The following CNTNAP2 variants were observed in gnomAD, a reference collection of about 807,000 sequenced individuals.
CNTNAP2 encodes contactin-associated protein-like 2.
In CNTNAP2, 98 loss-of-function variants were observed where a neutral mutation model predicts 155.2. That is an observed-to-expected ratio of 0.63 (90% CI 0.54 to 0.75). The LOEUF is 0.75. Among genes scored for constraint, CNTNAP2 ranks in the 30% least tolerant of loss-of-function variants. The pLI, the probability that CNTNAP2 is intolerant of heterozygous loss-of-function variation, is 0.00. For missense variants in CNTNAP2, 1,727 were observed against 1,688.1 expected (o/e 1.02, Z -0.40); for synonymous variants, 651 against 631.2 (o/e 1.03, Z -0.47).
intron 13 of CNTNAP2, among the ~76,000 whole-genome samples, chr7:147,826,928 A>ATTTTTTTT (rs34322489): frequency 8.1e-6 from 1 of 123,872 alleles, no homozygotes; most frequent in African/African-American, 3.2e-5. Context: ...AGCTGAATAC[A>ATTTTTTTT]TTTTTTTTTT....
chr7:146,335,377 A>G (rs1213908102), intron 1 of CNTNAP2, among the ~76,000 whole-genome samples: 1 of 152,212 alleles, frequency 6.6e-6, no homozygotes, highest in African/African-American at 2.4e-5. Context: ...GCTAAACAAG[A>G]CAGAAAAATG....
At chr7:148,306,211 G>A (rs1179358360) in intron 21 of CNTNAP2, among the ~76,000 whole-genome samples, 2 of 152,046 alleles carry the variant, frequency 1.3e-5, no homozygotes, top group Non-Finnish European at 2.9e-5. Context: ...TTCTTTATTT[G>A]AACTCGGTGT....
At chr7:148,050,692 T>TGACTCACC (rs1802872233) in intron 15 of CNTNAP2, among the ~76,000 whole-genome samples, 1 of 152,328 alleles carries the variant, frequency 6.6e-6, no homozygotes, top group Admixed American at 6.5e-5. Context: ...ACTCACTCAC[T>TGACTCACC]GACTCACCCA....
intron 9 of CNTNAP2, among the ~76,000 whole-genome samples, chr7:147,394,956 A>G (rs192135347): frequency 1.3e-5 from 2 of 151,758 alleles, no homozygotes; most frequent in East Asian, 1.9e-4. Context: ...TATTTTATTT[A>G]TACCATATTA....
intron 8 of CNTNAP2, among the ~76,000 whole-genome samples, chr7:147,235,970 C>T (rs773638164): frequency 6.6e-6 from 1 of 152,216 alleles, no homozygotes; most frequent in Non-Finnish European, 1.5e-5. Flanking sequence ...AACCCAATGT[C>T]ATAGGGTTCA....
intron 15 of CNTNAP2, among the ~76,000 whole-genome samples, chr7:148,113,277 T>G (rs1804396140): frequency 6.6e-6 from 1 of 152,290 alleles, no homozygotes; most frequent in East Asian, 1.9e-4. Flanking sequence ...GCAAAGGGGA[T>G]GTACACATAC....
chr7:146,915,187 C>G (rs1361605116), intron 3 of CNTNAP2, among the ~76,000 whole-genome samples: 1 of 152,026 alleles, frequency 6.6e-6, no homozygotes, highest in African/African-American at 2.4e-5. Context: ...GTTTTTATAC[C>G]AGTACCATGC....
intron 15 of CNTNAP2, among the ~76,000 whole-genome samples, chr7:148,057,261 G>GTATAA (rs1221418089): frequency 2.0e-5 from 3 of 152,164 alleles, no homozygotes; most frequent in Non-Finnish European, 4.4e-5. Flanking sequence ...AAGTAGCCAG[G>GTATAA]TATACAAGTA....
intron 22 of CNTNAP2, among the ~76,000 whole-genome samples, chr7:148,399,189 A>G (rs1207216242): frequency 6.6e-6 from 1 of 152,222 alleles, no homozygotes; most frequent in Non-Finnish European, 1.5e-5. Context: ...GTATGGCTTC[A>G]GGCTTTCCAC....
At chr7:146,961,354 G>C (rs1031912108) in intron 3 of CNTNAP2, among the ~76,000 whole-genome samples, 1 of 152,156 alleles carries the variant, frequency 6.6e-6, no homozygotes, top group African/African-American at 2.4e-5. Context: ...AATAACGCTG[G>C]TCAGGGTCTT....
chr7:147,136,649 A>G (rs1801486553), intron 8 of CNTNAP2, among the ~76,000 whole-genome samples: 1 of 151,946 alleles, frequency 6.6e-6, no homozygotes, highest in Non-Finnish European at 1.5e-5. Flanking sequence ...CTAAGCAATT[A>G]AAATATCTCT....
intron 1 of CNTNAP2, among the ~76,000 whole-genome samples, chr7:146,760,999 T>C (rs1214088911): frequency 1.3e-5 from 2 of 152,174 alleles, no homozygotes; most frequent in Non-Finnish European, 2.9e-5. Context: ...GATTTGTTGA[T>C]AGAAAAATGA....
At chr7:146,350,930 C>CA (rs1262073311) in intron 1 of CNTNAP2, among the ~76,000 whole-genome samples, 3 of 148,726 alleles carry the variant, frequency 2.0e-5, no homozygotes, top group Admixed American at 1.4e-4. Context: ...ATCGCAAGGA[C>CA]AAAAAACCAA....
chr7:147,935,734 C>G (rs1456862578), intron 14 of CNTNAP2, among the ~76,000 whole-genome samples: 1 of 152,014 alleles, frequency 6.6e-6, no homozygotes, highest in Non-Finnish European at 1.5e-5. Context: ...GAAAGGTGAG[C>G]TTTATCTTGG....
At chr7:147,400,086 C>A (rs1400419939) in intron 10 of CNTNAP2, among the ~76,000 whole-genome samples, 2 of 152,178 alleles carry the variant, frequency 1.3e-5, no homozygotes, top group African/African-American at 4.8e-5. Context: ...CCTGACTCAA[C>A]TCTTATTCTC....
At chr7:147,789,731 G>A (rs1797791186) in intron 13 of CNTNAP2, among the ~76,000 whole-genome samples, 1 of 152,186 alleles carries the variant, frequency 6.6e-6, no homozygotes, top group Non-Finnish European at 1.5e-5. Flanking sequence ...GGAAGGAGGT[G>A]GAAGGTGTTG....
intron 15 of CNTNAP2, among the ~76,000 whole-genome samples, chr7:148,062,011 T>TAGAGAGAGAGAGAG (rs374161359): frequency 1.2e-5 from 1 of 84,180 alleles, no homozygotes; most frequent in African/African-American, 4.8e-5. Context: ...AGATAGATGA[T>TAGAGAGAGAGAGAG]AGAGAGAGAG....
intron 1 of CNTNAP2, among the ~76,000 whole-genome samples, chr7:146,551,582 G>A (rs886869948): frequency 5.6e-4 from 85 of 151,634 alleles, no homozygotes; most frequent in African/African-American, 2.0e-3. Flanking sequence ...TATTGTGAAC[G>A]TACCCTAAAA....
intron 16 of CNTNAP2, among the ~76,000 whole-genome samples, chr7:148,129,767 C>T (rs545988778): frequency 6.6e-6 from 1 of 152,320 alleles, no homozygotes; most frequent in East Asian, 1.9e-4. Flanking sequence ...TTTAAGGTCT[C>T]GTCTACCATG....
Sources: gnomAD v4.1 joint callset for allele counts (sites outside exome capture counted in the v4.1 genomes callset) on GRCh38, gnomAD v4.1.1 for gene constraint, MANE v1.5 for transcripts, NCBI Gene and HGNC (gene_info 2026-07-23, HGNC 2026-07-21) for gene names.